Variants in ANK3 observed in about 807,000 individuals in gnomAD.
The protein encoded by ANK3 is ankyrin-3.
A neutral mutation model predicts 370.9 loss-of-function variants in ANK3; 57 were observed. The ratio of observed to expected loss-of-function variants is 0.15; its 90% CI spans 0.12 to 0.19. The LOEUF (loss-of-function observed/expected upper bound fraction) is 0.19. Among genes scored for constraint, ANK3 ranks in the 10% least tolerant of loss-of-function variants. ANK3 has a pLI of 1.00. For missense variants in ANK3, 4,439 were observed against 5,302.1 expected, an observed-to-expected ratio of 0.84 and a Z score of 5.06; for synonymous variants, 1,929 against 1,946.3, an observed-to-expected ratio of 0.99 and a Z score of 0.23.
intron 2 of ANK3, among the ~76,000 whole-genome samples, chr10:60,446,977 T>C (rs1157971350): frequency 2.0e-5 from 3 of 152,192 alleles, no homozygotes; most frequent in Non-Finnish European, 4.4e-5. Flanking sequence ...AAGCAGGAAG[T>C]GTCTGCTTAA....
intron 2 of ANK3, among the ~76,000 whole-genome samples, chr10:60,478,402 C>T (rs77722194): frequency 2.4e-3 from 366 of 152,084 alleles, no homozygotes; most frequent in Non-Finnish European, 3.9e-3. Flanking sequence ...ATAGTAAAAA[C>T]AAAAACTGAA....
intron 1 of ANK3, among the ~76,000 whole-genome samples, chr10:60,652,458 G>T (rs188102321): frequency 4.0e-5 from 6 of 151,884 alleles, no homozygotes; most frequent in Non-Finnish European, 8.8e-5. Context: ...GAGAGATAAA[G>T]AACTTGAAAA....
chr10:60,513,586 A>G (rs1465195344), intron 2 of ANK3, among the ~76,000 whole-genome samples: 1 of 152,130 alleles, frequency 6.6e-6, no homozygotes, highest in Non-Finnish European at 1.5e-5. Flanking sequence ...GGTTGGTAAA[A>G]TATGAGTCCA....
chr10:60,364,365 A>G (rs900913281), intron 1 of ANK3, among the ~76,000 whole-genome samples: 2 of 152,084 alleles, frequency 1.3e-5, no homozygotes, highest in Non-Finnish European at 2.9e-5. Context: ...GTATCTCAAG[A>G]GAAGAGTTAA....
In ANK3 at chr10:60,029,526, T is replaced by C. The variant is rs2072792442; in HGVS notation, c.*320A>G. Reference sequence around the variant, plus strand: ...CCTTCTGATGGCAGGAATTTCTTCCTTTTGTAAATGACACCAAATTACTTG... The same window carrying C: ...CCTTCTGATGGCAGGAATTTCTTCCCTTTGTAAATGACACCAAATTACTTG... On this transcript the variant is annotated 3_prime_UTR_variant, in exon 44 of 44. Transcript: ENST00000280772. 6.6e-6 allele frequency: 1 copy of C among 152,668 alleles called. No homozygotes were observed. Among genetic ancestry groups the C allele is most frequent in the Non-Finnish European group, 1.5e-5 (1 of 68,046 alleles). The allele number at this position is 152,668 out of a possible 1,614,324, so 9.5% of individuals were successfully genotyped here. A position where few individuals can be genotyped will look rare whatever the true frequency, so the allele number is the denominator to read the frequency against.
intron 17 of ANK3, 96 bp downstream of exon 17, chr10:60,186,619 C>A (rs773866133): frequency 3.1e-6 from 4 of 1,280,678 alleles, no homozygotes; most frequent in Non-Finnish European, 4.5e-6. Flanking sequence ...CTTTACACAT[C>A]CTATTTGACT....
chr10:60,106,204 G>A (rs966841157), intron 27 of ANK3, 145 bp from the exon 28 acceptor site: 10 of 715,496 alleles, frequency 1.4e-5, no homozygotes, highest in Admixed American at 7.3e-5. Context: ...AGAATCATTT[G>A]CTAATTAAAG....
intron 8 of ANK3, among the ~76,000 whole-genome samples, chr10:60,220,424 C>T (rs1469015903): frequency 1.3e-5 from 2 of 152,170 alleles, no homozygotes; most frequent in African/African-American, 4.8e-5. Flanking sequence ...CCTCATTCTG[C>T]CCTCCTCCTT....
intron 23 of ANK3, among the ~76,000 whole-genome samples, chr10:60,145,288 C>T (rs2094759113): frequency 6.6e-6 from 1 of 152,186 alleles, no homozygotes; most frequent in South Asian, 2.1e-4. Flanking sequence ...CTATACTCTA[C>T]TGATTTACTA....
intron 2 of ANK3, among the ~76,000 whole-genome samples, chr10:60,552,860 T>C (rs992036016): frequency 6.6e-6 from 1 of 152,134 alleles, no homozygotes; most frequent in Non-Finnish European, 1.5e-5. Flanking sequence ...CGTGCTGTTC[T>C]TGTGATAGTG....
chr10:60,644,209 A>G (rs1212779675), intron 1 of ANK3, among the ~76,000 whole-genome samples: 2 of 152,220 alleles, frequency 1.3e-5, no homozygotes, highest in Admixed American at 1.3e-4. Context: ...CCATGCAGGT[A>G]TTGGCTTATC....
chr10:60,601,533 A>T (rs1009887815), intron 2 of ANK3, among the ~76,000 whole-genome samples: 1 of 152,094 alleles, frequency 6.6e-6, no homozygotes, highest in African/African-American at 2.4e-5. Context: ...TATTCAAACC[A>T]TCTAACCAGT....
At chr10:60,543,766 C>G (rs2076902518) in intron 2 of ANK3, among the ~76,000 whole-genome samples, 2 of 152,000 alleles carry the variant, frequency 1.3e-5, no homozygotes, top group African/African-American at 4.8e-5. Flanking sequence ...ATTCCATTTT[C>G]TCACAATGCC....
chr10:60,225,579 A>T (rs890151592), intron 8 of ANK3, among the ~76,000 whole-genome samples: 2 of 152,154 alleles, frequency 1.3e-5, no homozygotes, highest in Non-Finnish European at 1.5e-5. Flanking sequence ...ATAAGCAGTC[A>T]ATGTTCTATT....
chr10:60,102,797 G>A (rs143219197), intron 28 of ANK3, among the ~76,000 whole-genome samples: 1 of 152,242 alleles, frequency 6.6e-6, no homozygotes, highest in Non-Finnish European at 1.5e-5. Context: ...ATGTAGATTG[G>A]TTATAAAGTA....
At chr10:60,238,212 G>A (rs1428892004) in intron 7 of ANK3, among the ~76,000 whole-genome samples, 1 of 152,198 alleles carries the variant, frequency 6.6e-6, no homozygotes, top group Non-Finnish European at 1.5e-5. Context: ...CCTACTATGA[G>A]TAACGCTGTG....
At chr10:60,504,503 A>T (rs747166715) in intron 2 of ANK3, among the ~76,000 whole-genome samples, 5 of 152,218 alleles carry the variant, frequency 3.3e-5, no homozygotes, top group Non-Finnish European at 7.3e-5. Context: ...GAATGTAATT[A>T]CTTTTGAATA....
intron 1 of ANK3, among the ~76,000 whole-genome samples, chr10:60,667,138 T>C (rs1339273514): frequency 6.7e-6 from 1 of 149,438 alleles, no homozygotes; most frequent in Non-Finnish European, 1.5e-5. Flanking sequence ...CAATTTCTTC[T>C]TAGTTTTTTT....
At chr10:60,082,113 ACTT>A in intron 35 of ANK3, 34 bp downstream of exon 35, 2 of 1,550,996 alleles carry the variant, frequency 1.3e-6, no homozygotes, top group Non-Finnish European at 1.8e-6. Flanking sequence ...TTTCTATTCT[ACTT>A]CTGATAGAAT....
Sources: allele counts gnomAD v4.1 joint callset (sites outside exome capture counted in the v4.1 genomes callset), GRCh38; gene constraint gnomAD v4.1.1; transcripts MANE v1.5; gene names NCBI Gene and HGNC (gene_info 2026-07-23, HGNC 2026-07-21).